PPP2R5C: variants seen among roughly 807,000 people sequenced by gnomAD.
PPP2R5C encodes protein phosphatase 2 regulatory subunit B'gamma, also known as serine/threonine-protein phosphatase 2A 56 kDa regulatory subunit gamma isoform.
In PPP2R5C, 7 loss-of-function variants were observed where a neutral mutation model predicts 68.9. That is an observed-to-expected ratio of 0.10 (90% confidence interval 0.06 to 0.19). PPP2R5C has a LOEUF of 0.19. Ranked by LOEUF, PPP2R5C falls within the 10% of genes least tolerant of loss-of-function variation. The pLI, the probability that PPP2R5C is intolerant of heterozygous loss-of-function variation, is 1.00. For synonymous variants in PPP2R5C, 210 were observed against 222.2 expected, an observed-to-expected ratio of 0.95 and a Z score of 0.49; for missense variants, 348 against 641.3, an observed-to-expected ratio of 0.54 and a Z score of 4.94.
At chr14:101,803,652 A>AGGTGGAGGTTGCAGC (rs1277212396) in intron 3 of PPP2R5C, among the ~76,000 whole-genome samples, 5 of 151,590 alleles carry the variant, frequency 3.3e-5, no homozygotes, top group African/African-American at 4.9e-5. Flanking sequence ...TGAACCCGGG[A>AGGTGGAGGTTGCAGC]GGTGGAGGTT....
chr14:101,889,697 C>T (rs1380435151), intron 5 of PPP2R5C: 5 of 287,666 alleles, frequency 1.7e-5, no homozygotes, highest in South Asian at 1.2e-4. Flanking sequence ...TGAGACAGCA[C>T]GGAGGATGCG....
At chr14:101,914,930 G>T (rs538613746) in intron 12 of PPP2R5C, among the ~76,000 whole-genome samples, 1 of 152,310 alleles carries the variant, frequency 6.6e-6, no homozygotes, top group East Asian at 1.9e-4. Context: ...GAGTAGCTGT[G>T]GCTCAGTGTT....
chr14:101,788,539 C>T (rs766772166), intron 3 of PPP2R5C, among the ~76,000 whole-genome samples: 5 of 152,154 alleles, frequency 3.3e-5, no homozygotes, highest in Admixed American at 6.5e-5. Context: ...TCTCAACCTC[C>T]GTTTCCTTCG....
intron 1 of PPP2R5C, among the ~76,000 whole-genome samples, chr14:101,838,594 C>G (rs546730855): frequency 6.6e-6 from 1 of 152,360 alleles, no homozygotes; most frequent in South Asian, 2.1e-4. Flanking sequence ...ACTTCTTGTC[C>G]CCCTCGCCCC....
intron 1 of PPP2R5C, among the ~76,000 whole-genome samples, chr14:101,853,080 G>A (rs561687041): frequency 5.3e-5 from 8 of 152,130 alleles, no homozygotes; most frequent in East Asian, 1.9e-4. Context: ...TTGTTTCCCC[G>A]TGGTACAGTC....
At chr14:101,909,286 C>A (rs965608440) in intron 10 of PPP2R5C, among the ~76,000 whole-genome samples, 1 of 152,116 alleles carries the variant, frequency 6.6e-6, no homozygotes, top group African/African-American at 2.4e-5. Flanking sequence ...TTTGTCTTAA[C>A]TATATTTGTT....
chr14:101,822,929 T>C (rs2040167449), intron 1 of PPP2R5C, among the ~76,000 whole-genome samples: 1 of 152,158 alleles, frequency 6.6e-6, no homozygotes, highest in Non-Finnish European at 1.5e-5. Context: ...CACCCATGTG[T>C]TTATGTAAAA....
In PPP2R5C at chr14:101,797,182, C is replaced by T. The variant is rs1177652452; in HGVS notation, c.259+10999C>T. 4.4e-6 allele frequency: 2 copies of T among 455,656 alleles called. No homozygotes were observed. The highest frequency in any genetic ancestry group is 2.4e-5 in the Admixed American group (1 of 42,538). The allele number at this position is 455,656 out of a possible 1,614,324, so 28.2% of individuals were successfully genotyped here. On this transcript the variant is annotated intron_variant, in intron 3 of 14. Transcript: ENST00000328724. This position sits in a 1 kb window ranked among gnomAD's most constrained non-coding sequence, Gnocchi z 4.2. ...ACAGTATCTGTCTTTCTGTGCCTGG[C>T]TTATTTCCCTAAACATAATATCTTC...
At chr14:101,905,305 G>A (rs2045962961) in intron 9 of PPP2R5C, among the ~76,000 whole-genome samples, 2 of 152,112 alleles carry the variant, frequency 1.3e-5, no homozygotes, top group Admixed American at 6.6e-5. Flanking sequence ...AGTGAGTCGA[G>A]ATAGCACCAC....
At chr14:101,847,577 A>T (rs1173046406) in intron 1 of PPP2R5C, among the ~76,000 whole-genome samples, 3 of 151,854 alleles carry the variant, frequency 2.0e-5, no homozygotes, top group Non-Finnish European at 4.4e-5. Context: ...ATCAGTGCCT[A>T]GCACAGTGCC....
intron 2 of PPP2R5C, among the ~76,000 whole-genome samples, chr14:101,777,059 T>C (rs2037463204): frequency 6.6e-6 from 1 of 151,726 alleles, no homozygotes; most frequent in Admixed American, 6.6e-5. Context: ...TTTTGTATTT[T>C]TAGTAGAGAC....
chr14:101,842,647 G>C (rs989899731), intron 1 of PPP2R5C, among the ~76,000 whole-genome samples: 29 of 152,124 alleles, frequency 1.9e-4, no homozygotes, highest in Admixed American at 1.1e-3. Flanking sequence ...GCCCTTCCCA[G>C]GTGTGGTCAG....
At position 101,877,723 on chromosome 14, in the gene PPP2R5C, C is replaced by T. The variant is rs2043876111; in HGVS notation, c.295-4438C>T. ...GACCGTTGGCCCTCTGTTCCTTCCC[C>T]CCGCCCCAGTATTACTTTTTACTTA... On this transcript the variant is annotated intron_variant, in intron 2 of 13. Coordinates refer to ENST00000334743, the Ensembl canonical transcript of PPP2R5C. This position sits in a 1 kb window ranked among gnomAD's most constrained non-coding sequence, Gnocchi z 4.2. 6.6e-6 allele frequency among the ~76,000 whole-genome samples: 1 copy of T among 152,180 alleles called. No individual in the cohort carries two copies. Among genetic ancestry groups the T allele is most frequent in the Admixed American group, 6.5e-5 (1 of 15,282 alleles).
intron 11 of PPP2R5C, among the ~76,000 whole-genome samples, chr14:101,911,273 C>T (rs1453499904): frequency 6.7e-6 from 1 of 149,602 alleles, no homozygotes; most frequent in Admixed American, 6.7e-5. Flanking sequence ...GACTCCGTCT[C>T]AAAAAAAAAA....
rs1012087559 is a variant in PPP2R5C, at chr14:101,915,851, A to G, written c.1327-1980A>G. ...GGGGGAGTGTGCTGGAGATGGCAGGACCAGCTTATTCGTTCCCATCTCTAA... is the reference window on the plus strand; with the variant it reads ...GGGGGAGTGTGCTGGAGATGGCAGGGCCAGCTTATTCGTTCCCATCTCTAA... On this transcript the variant is annotated intron_variant, in intron 12 of 13. Coordinates refer to ENST00000334743, the Ensembl canonical transcript of PPP2R5C. The surrounding 1 kb of genome is among the most constrained non-coding windows in gnomAD (Gnocchi z 4.2). 6.6e-6 allele frequency among the ~76,000 whole-genome samples: 1 copy of G among 152,194 alleles called. No individual in the cohort carries two copies. The highest frequency in any genetic ancestry group is 2.4e-5 in the African/African-American group (1 of 41,444).
In PPP2R5C at chr14:101,923,077, G is replaced by A. The variant is rs1174556949; in HGVS notation, c.1444-2064G>A. Among the ~76,000 whole-genome samples the A allele has an allele frequency of 3.3e-5, 5 of 152,208 alleles. No individual in the cohort carries two copies. In the South Asian group the frequency reaches 6.2e-4, roughly 19 times the overall value. On this transcript the variant is annotated intron_variant, in intron 13 of 13. Coordinates refer to ENST00000334743, the Ensembl canonical transcript of PPP2R5C. ...TGGTCCGCTCCGCCCCTGCCAGCAT[G>A]TTCACCTGCACATCCCCTCTGCCAG...
At chr14:101,814,769 C>T (rs1007303804) in intron 1 of PPP2R5C, among the ~76,000 whole-genome samples, 2 of 152,186 alleles carry the variant, frequency 1.3e-5, no homozygotes, top group African/African-American at 4.8e-5. Flanking sequence ...TGGGATACAT[C>T]CTAACTTTTG....
intron 1 of PPP2R5C, among the ~76,000 whole-genome samples, chr14:101,837,629 C>T (rs1055889141): frequency 2.0e-5 from 3 of 152,192 alleles, no homozygotes; most frequent in African/African-American, 7.2e-5. Context: ...AGAGCTTCGT[C>T]GCTCAAGCAA....
At chr14:101,907,162 A>T in intron 10 of PPP2R5C, among the ~76,000 whole-genome samples, 1 of 152,136 alleles carries the variant, frequency 6.6e-6, no homozygotes, top group East Asian at 1.9e-4. Context: ...TTTCTTTTTT[A>T]AAATTTGTAT....
Sources: gnomAD v4.1 joint callset for allele counts (sites outside exome capture counted in the v4.1 genomes callset) on GRCh38, gnomAD v4.1.1 for gene constraint, Gnocchi (gnomAD v3.1) non-coding constraint, MANE v1.5 for transcripts, NCBI Gene and HGNC (gene_info 2026-07-23, HGNC 2026-07-21) for gene names.